LUZP2: variants seen among roughly 807,000 people sequenced by gnomAD.
The protein encoded by LUZP2 is leucine zipper protein 2.
Under a neutral mutation model 51.6 loss-of-function variants are expected in LUZP2, and 52 were observed. The ratio of observed to expected loss-of-function variants is 1.01; its 90% confidence interval spans 0.81 to 1.27. The LOEUF is 1.27. Ranked by LOEUF, LUZP2 falls within the 50% of genes most tolerant of loss-of-function variation. The pLI is 0.00. For synonymous variants in LUZP2, 154 were observed against 137.3 expected, an observed-to-expected ratio of 1.12 and a Z score of -0.85; for missense variants, 436 against 395.4, an observed-to-expected ratio of 1.10 and a Z score of -0.87.
chr11:24,858,831 G>A (rs1851646108), intron 5 of LUZP2, among the ~76,000 whole-genome samples: 1 of 152,094 alleles, frequency 6.6e-6, no homozygotes, highest in Admixed American at 6.5e-5. Flanking sequence ...TTGCAATATA[G>A]GCTCTGCCAA....
chr11:24,998,981 A>C (rs762810007), intron 9 of LUZP2, among the ~76,000 whole-genome samples: 2 of 152,032 alleles, frequency 1.3e-5, no homozygotes, highest in African/African-American at 2.4e-5. Context: ...CATCACCACC[A>C]TTTTCCTTCA....
At chr11:24,524,655 T>A (rs1850739925) in intron 1 of LUZP2, among the ~76,000 whole-genome samples, 1 of 151,674 alleles carries the variant, frequency 6.6e-6, no homozygotes, top group Non-Finnish European at 1.5e-5. Context: ...ATAGTACAGT[T>A]CTAACAAGGT....
chr11:24,639,520 C>T (rs1404938763), intron 1 of LUZP2, among the ~76,000 whole-genome samples: 1 of 151,714 alleles, frequency 6.6e-6, no homozygotes, highest in East Asian at 1.9e-4. Context: ...GGTGAGATCT[C>T]AGCTCACCGC....
chr11:25,070,733 TAA>T (rs1347591737), intron 10 of LUZP2, among the ~76,000 whole-genome samples: 2 of 151,700 alleles, frequency 1.3e-5, no homozygotes, highest in Admixed American at 6.6e-5. Context: ...AGTTCATATA[TAA>T]GTTTCATAAA....
intron 1 of LUZP2, among the ~76,000 whole-genome samples, chr11:24,610,909 C>T (rs73433043): frequency 2.8e-3 from 423 of 152,286 alleles, no homozygotes; most frequent in African/African-American, 9.8e-3. Flanking sequence ...TGCACCATTG[C>T]ACTCCAGCAT....
intron 1 of LUZP2, among the ~76,000 whole-genome samples, chr11:24,578,803 A>G (rs747088167): frequency 6.6e-6 from 1 of 152,114 alleles, no homozygotes; most frequent in Non-Finnish European, 1.5e-5. Flanking sequence ...ACAAAGTTTT[A>G]AAAACTAACT....
At chr11:24,873,665 C>T (rs1022069206) in intron 5 of LUZP2, among the ~76,000 whole-genome samples, 7 of 129,790 alleles carry the variant, frequency 5.4e-5, no homozygotes, top group Middle Eastern at 4.5e-3. Context: ...TACTTGAGGC[C>T]ATGCTCTCAC....
chr11:24,682,657 C>T (rs118138785), intron 1 of LUZP2, among the ~76,000 whole-genome samples: 1,518 of 149,104 alleles, frequency 0.01, 26 homozygotes, highest in East Asian at 0.049. Flanking sequence ...CACACACATA[C>T]ACATATATTT....
intron 7 of LUZP2, among the ~76,000 whole-genome samples, chr11:24,919,113 A>G (rs1206219655): frequency 0.019 from 1 of 54 alleles, no homozygotes; most frequent in African/African-American, 0.028. Context: ...TATCCATAAT[A>G]TGTATTACAT....
intron 5 of LUZP2, among the ~76,000 whole-genome samples, chr11:24,768,207 C>A (rs1442452917): frequency 1.3e-5 from 2 of 152,060 alleles, no homozygotes; most frequent in Non-Finnish European, 2.9e-5. Context: ...CATCTCAGCT[C>A]ACTGCAACCT....
At chr11:24,720,930 G>A (rs1048555563) in intron 1 of LUZP2, among the ~76,000 whole-genome samples, 3 of 152,098 alleles carry the variant, frequency 2.0e-5, no homozygotes, top group Non-Finnish European at 4.4e-5. Context: ...CTCGTGATCT[G>A]TCCGCCTCGG....
intron 1 of LUZP2, among the ~76,000 whole-genome samples, chr11:24,514,792 A>G (rs1279116367): frequency 1.3e-5 from 2 of 152,218 alleles, no homozygotes; most frequent in Non-Finnish European, 2.9e-5. Flanking sequence ...TGTTGAAGAA[A>G]GAAATATAGT....
At chr11:25,044,643 T>G (rs1420047596) in intron 9 of LUZP2, among the ~76,000 whole-genome samples, 3 of 152,198 alleles carry the variant, frequency 2.0e-5, no homozygotes, top group Admixed American at 6.5e-5. Context: ...ATTGTGGAAG[T>G]CAGTGTGGCG....
chr11:25,007,342 C>T (rs1459048589), intron 9 of LUZP2, among the ~76,000 whole-genome samples: 1 of 152,190 alleles, frequency 6.6e-6, no homozygotes, highest in Non-Finnish European at 1.5e-5. Flanking sequence ...GTGGCTCACA[C>T]CTGTAATCCT....
chr11:24,662,992 T>C (rs186781829), intron 1 of LUZP2, among the ~76,000 whole-genome samples: 19 of 152,180 alleles, frequency 1.2e-4, no homozygotes, highest in African/African-American at 4.3e-4. Context: ...GGAAAAATCA[T>C]CTAAACTAAA....
At chr11:24,887,427 A>G (rs1345398421) in intron 5 of LUZP2, among the ~76,000 whole-genome samples, 1 of 152,208 alleles carries the variant, frequency 6.6e-6, no homozygotes, top group Non-Finnish European at 1.5e-5. Context: ...GGCAACAGGT[A>G]CTAATGTATA....
At chr11:24,898,077 A>G (rs958348546) in intron 5 of LUZP2, among the ~76,000 whole-genome samples, 4 of 152,186 alleles carry the variant, frequency 2.6e-5, no homozygotes, top group African/African-American at 9.6e-5. Flanking sequence ...AGATTCTGCT[A>G]TTGAGAAGAA....
At chr11:24,578,901 C>A (rs1258307622) in intron 1 of LUZP2, among the ~76,000 whole-genome samples, 4 of 151,992 alleles carry the variant, frequency 2.6e-5, no homozygotes, top group African/African-American at 9.7e-5. Flanking sequence ...AACAAACCTG[C>A]ACATATACCC....
intron 9 of LUZP2, among the ~76,000 whole-genome samples, chr11:24,985,225 C>A (rs1039209218): frequency 1.3e-5 from 2 of 151,564 alleles, no homozygotes; most frequent in Non-Finnish European, 3.0e-5. Flanking sequence ...TTGGAGATTG[C>A]AGCCTAATTT....
Sources: allele counts gnomAD v4.1 joint callset (sites outside exome capture counted in the v4.1 genomes callset), GRCh38; gene constraint gnomAD v4.1.1; transcripts MANE v1.5; gene names NCBI Gene and HGNC (gene_info 2026-07-23, HGNC 2026-07-21).